PCM1: variants seen among roughly 807,000 people sequenced by gnomAD.
PCM1 encodes the protein pericentriolar material 1.
Under a neutral mutation model 241.9 loss-of-function variants are expected in PCM1, and 157 were observed. The observed-to-expected ratio is 0.65, with a 90% CI of 0.57 to 0.74. The LOEUF is 0.74. PCM1 is among the 30% of genes least tolerant of loss of function. The probability of loss-of-function intolerance (pLI) is 0.00; values close to 1 mark genes in which losing one functional copy is unlikely to be tolerated. For missense variants in PCM1, 3,478 were observed against 2,360.1 expected, an observed-to-expected ratio of 1.47 and a Z score of -9.81; for synonymous variants, 1,085 against 784.9, an observed-to-expected ratio of 1.38 and a Z score of -6.39.
At chr8:17,965,175 G>A (rs935211412) in intron 18 of PCM1, among the ~76,000 whole-genome samples, 2 of 152,184 alleles carry the variant, frequency 1.3e-5, no homozygotes, top group African/African-American at 4.8e-5. Flanking sequence ...GGTTGGGGAG[G>A]TGTGCAGAGC....
chr8:18,003,810 T>A (rs1444349802), intron 29 of PCM1, among the ~76,000 whole-genome samples: 3 of 152,132 alleles, frequency 2.0e-5, no homozygotes, highest in African/African-American at 7.2e-5. Flanking sequence ...ATTTTAAGAA[T>A]ATAGATTTTT....
chr8:17,976,374 C>T (rs567157204), intron 23 of PCM1, among the ~76,000 whole-genome samples: 8 of 152,258 alleles, frequency 5.3e-5, no homozygotes, highest in East Asian at 1.9e-4. Flanking sequence ...TGCAGCTAAG[C>T]CTGTTTAGTC....
At chr8:18,017,447 A>G (rs2093333323) in intron 36 of PCM1, among the ~76,000 whole-genome samples, 1 of 152,090 alleles carries the variant, frequency 6.6e-6, no homozygotes, top group Non-Finnish European at 1.5e-5. Context: ...CATTAGAACT[A>G]GAAAAAAATC....
At chr8:17,945,068 T>C (rs2063340764) in intron 6 of PCM1, among the ~76,000 whole-genome samples, 1 of 152,148 alleles carries the variant, frequency 6.6e-6, no homozygotes, top group Admixed American at 6.5e-5. Flanking sequence ...CCCCTTCCAT[T>C]GATATCTGTA....
At position 17,947,300 on chromosome 8, in the gene PCM1, C is replaced by G; in HGVS notation, c.898C>G (p.Gln300Glu). The change falls in exon 7 of 39, where the codon CAG (glutamine) becomes GAG (glutamate). Residue 300 changes from glutamine to glutamate, a missense_variant. Coordinates refer to ENST00000325083, the MANE Select transcript of PCM1 (RefSeq NM_006197.4). The stretch of plus-strand genomic sequence containing the variant: ...GCAACTAAGAGCTCTACAGGGACGG[C>G]AGGCTGCACTTCTAGCTCTGCAACA... ...QEQLRALQGR[Q>E]AALLALQHKA... 1 of 1,612,580 alleles carries G rather than the reference C, an allele frequency of 6.2e-7. No homozygotes were observed. The highest frequency in any genetic ancestry group is 8.5e-7 in the Non-Finnish European group (1 of 1,178,984).
intron 38 of PCM1, 37 bp from the exon 39 acceptor site, chr8:18,027,600 T>C (rs373799763): frequency 2.7e-5 from 39 of 1,470,226 alleles, no homozygotes; most frequent in East Asian, 9.2e-5. Flanking sequence ...AGTAATTCGA[T>C]AAGTAATTTA....
At chr8:17,948,273 G>A (rs1051486080) in intron 7 of PCM1, among the ~76,000 whole-genome samples, 14 of 134,020 alleles carry the variant, frequency 1.0e-4, no homozygotes, top group Non-Finnish European at 2.1e-4. Flanking sequence ...CACAAGGAAC[G>A]TTATGACTTT....
chr8:17,946,871 G>GTGTGTGTGTGTCCA (rs751529770), intron 6 of PCM1, among the ~76,000 whole-genome samples: 1 of 148,682 alleles, frequency 6.7e-6, no homozygotes, highest in African/African-American at 2.5e-5. Context: ...GTGTGTGTGT[G>GTGTGTGTGTGTCCA]TCCATGTGTC....
At chr8:17,988,668 G>C (rs770466690) in intron 26 of PCM1, among the ~76,000 whole-genome samples, 2 of 151,864 alleles carry the variant, frequency 1.3e-5, no homozygotes, top group African/African-American at 2.4e-5. Flanking sequence ...CAACTCAGTT[G>C]TAAGACAACT....
intron 29 of PCM1, among the ~76,000 whole-genome samples, chr8:18,005,619 A>G (rs1044792131): frequency 3.3e-5 from 5 of 152,176 alleles, no homozygotes; most frequent in Non-Finnish European, 7.4e-5. Context: ...ATTATTTTGT[A>G]GCTCACACAT....
intron 6 of PCM1, among the ~76,000 whole-genome samples, chr8:17,944,744 C>G (rs1281404134): frequency 2.6e-5 from 4 of 151,998 alleles, no homozygotes; most frequent in African/African-American, 7.2e-5. Flanking sequence ...AGGCTGTACT[C>G]CCATCTTTTG....
chr8:18,019,995 C>G (rs2093630389), intron 36 of PCM1, among the ~76,000 whole-genome samples: 1 of 152,128 alleles, frequency 6.6e-6, no homozygotes, highest in African/African-American at 2.4e-5. Context: ...ATCTTGAGTC[C>G]CACATTTCTC....
chr8:17,924,158 G>C (rs919237146), intron 1 of PCM1, among the ~76,000 whole-genome samples: 10 of 152,016 alleles, frequency 6.6e-5, no homozygotes, highest in African/African-American at 4.8e-5. Context: ...TCTGGTTACC[G>C]GAGTGGGTGT....
intron 13 of PCM1, 111 bp from the exon 14 acceptor site, chr8:17,959,903 C>T: frequency 9.8e-7 from 1 of 1,016,308 alleles, no homozygotes; most frequent in Non-Finnish European, 1.4e-6. Context: ...GCTTTCTTTA[C>T]TGCTTTAATC....
At position 17,976,478 on chromosome 8, in the gene PCM1, G is replaced by A. The variant is rs1042646165; in HGVS notation, c.3943+3791G>A. Among the ~76,000 whole-genome samples, 3 of 152,244 alleles carry A rather than the reference G, an allele frequency of 2.0e-5. No homozygotes were observed. In the South Asian group the frequency reaches 6.2e-4, roughly 32 times the overall value. On this transcript the variant is annotated intron_variant, in intron 23 of 38. Transcript: ENST00000325083. ...AAACTCTCCTGACAGAAGCATCCTG[G>A]GGCAAGAGAGAGGTGAGTGGAAAAC...
At position 17,950,640 on chromosome 8, in the gene PCM1, A is replaced by C. The variant is rs1391575131; in HGVS notation, c.987A>C (p.Leu329Phe). Residue 329 changes from leucine to phenylalanine, a missense_variant, in exon 8 of 39, where the codon TTA (leucine) becomes TTC (phenylalanine). By Grantham distance (22) the Leu-to-Phe change is conservative. Coordinates refer to ENST00000325083, the MANE Select transcript of PCM1 (RefSeq NM_006197.4). Reference protein sequence around the residue: ...DSVVAETAGSLSGVSITSELN... With the variant: ...DSVVAETAGSFSGVSITSELN... ...TTGTTGCAGAAACTGCAGGTAGCTTATCTGGCGTCAGTATCACATCTGAAC... is the reference window on the plus strand; with the variant it reads ...TTGTTGCAGAAACTGCAGGTAGCTTCTCTGGCGTCAGTATCACATCTGAAC... 6.2e-7 allele frequency: 1 copy of C among 1,603,140 alleles called. No homozygotes were observed. Among genetic ancestry groups the C allele is most frequent in the Non-Finnish European group, 8.5e-7 (1 of 1,172,984 alleles).
intron 16 of PCM1, 115 bp downstream of exon 16, chr8:17,962,289 A>ATAG (rs1290840245): frequency 2.5e-6 from 2 of 808,064 alleles, no homozygotes; most frequent in Non-Finnish European, 3.7e-6. Flanking sequence ...ATGTTTGTAA[A>ATAG]TAGTAGTCTG....
rs1363985868 is a variant in PCM1 at position 17,967,123 on chromosome 8, A to C, written c.3365A>C (p.Asn1122Thr). 1 of 1,605,870 alleles carries C rather than the reference A, an allele frequency of 6.2e-7. No individual in the cohort carries two copies. The highest frequency in any genetic ancestry group is 1.7e-5 in the Admixed American group (1 of 58,816). The change falls in exon 21 of 39, where the codon AAT becomes ACT. Residue 1122 changes from asparagine to threonine, a missense_variant. Asn to Thr is a moderately conservative substitution (Grantham distance 65). Transcript: ENST00000325083. The stretch of plus-strand genomic sequence containing the variant: ...TTCAGCTTTCCAACACAGCCTGTAA[A>C]TCTCTTCAATATACCTGGATTTACT... ...CPFSFPTQPV[N>T]LFNIPGFTNF...
At position 17,938,948 on chromosome 8, in the gene PCM1, T is replaced by G. The variant is rs200920990; in HGVS notation, c.551T>G (p.Leu184Trp). The G allele has an allele frequency of 5.0e-6, 8 of 1,613,768 alleles. No individual in the cohort carries two copies. In the Admixed American group the frequency reaches 1.3e-4, roughly 27 times the overall value. Residue 184 changes from leucine to tryptophan, a missense_variant, in exon 5 of 39, where the codon TTG becomes TGG. Physicochemically the swap from Leu to Trp is moderately conservative, Grantham distance 61. Coordinates refer to ENST00000325083, the MANE Select transcript of PCM1 (RefSeq NM_006197.4). ...GCTTCTGCTTTAAGTAATGACCTCT[T>G]GCAAAACTGTCAGGTGTCTGAAGAA... Reference protein sequence around the residue: ...LFASALSNDLLQNCQVSEEDG... With the variant: ...LFASALSNDLWQNCQVSEEDG...
Sources: allele counts gnomAD v4.1 joint callset (sites outside exome capture counted in the v4.1 genomes callset), GRCh38; gene constraint gnomAD v4.1.1; transcripts MANE v1.5; gene names NCBI Gene and HGNC (gene_info 2026-07-23, HGNC 2026-07-21).